TPRA1: variants seen among roughly 807,000 people sequenced by gnomAD.
TPRA1 encodes transmembrane protein adipocyte-associated 1.
In TPRA1, 28 loss-of-function variants were observed where a neutral mutation model predicts 40.1. The observed-to-expected ratio is 0.70, with a 90% confidence interval of 0.52 to 0.96. The LOEUF is 0.96. Among genes scored for constraint, TPRA1 ranks in the 40% least tolerant of loss-of-function variants. TPRA1 has a pLI of 0.00. For synonymous variants in TPRA1, 219 were observed against 209.7 expected, an observed-to-expected ratio of 1.04 and a Z score of -0.38; for missense variants, 441 against 482.6, an observed-to-expected ratio of 0.91 and a Z score of 0.81.
intron 1 of TPRA1, among the ~76,000 whole-genome samples, chr3:127,588,378 C>T (rs1397225748): frequency 6.6e-6 from 1 of 151,942 alleles, no homozygotes; most frequent in African/African-American, 2.4e-5. Flanking sequence ...ACCAGGATTG[C>T]CATTACGTAT....
At position 127,575,823 on chromosome 3, in the gene TPRA1, C is replaced by T; in HGVS notation, c.610-14G>A. 1.9e-6 allele frequency: 3 copies of T among 1,613,810 alleles called. No individual in the cohort carries two copies. Among genetic ancestry groups the T allele is most frequent in the Non-Finnish European group, 2.5e-6 (3 of 1,179,966 alleles). On this transcript the variant is annotated splice_polypyrimidine_tract_variant and intron_variant, in intron 7 of 10. Transcript: ENST00000355552. ...CAGAGAGTAGACCTACAGAGACAGG[C>T]AGGGCTGAGAAGGTGCTGGGGGCGC...
intron 1 of TPRA1, among the ~76,000 whole-genome samples, chr3:127,584,680 T>C (rs1190741865): frequency 1.3e-5 from 2 of 152,034 alleles, no homozygotes; most frequent in South Asian, 2.1e-4. Flanking sequence ...GGTGTGGCCA[T>C]GTGGCTGAGT....
At position 127,576,889 on chromosome 3, in the gene TPRA1, AG is replaced by A; in HGVS notation, c.349del (p.Leu117CysfsTer14). On this transcript the variant is annotated frameshift_variant, in exon 5 of 11. Transcript: ENST00000355552. LOFTEE classifies it high-confidence loss of function. The surrounding 1 kb of genome is among the most constrained non-coding windows in gnomAD (Gnocchi z 4.6). ...CAGGAAGAAGCGGGTGATCTCCCAC[AG>A]GATCTGCACGCAGAGTGGGCACAGC... Reference protein sequence around the residue: ...SNAATVADKILWEITRFFLLA... With the variant: ...SNAATVADKIXWEITRFFLLA... 6.2e-7 allele frequency: 1 copy of A among 1,613,792 alleles called. No homozygotes were observed. Among genetic ancestry groups the A allele is most frequent in the Non-Finnish European group, 8.5e-7 (1 of 1,180,014 alleles).
chr3:127,585,946 C>T lies in TPRA1; in HGVS notation c.-18+4464G>A, dbSNP rs2073987236. ...TGTGGATTTTTTTGTGTGCAGGGTC[C>T]AGGGCTGCCAAATGTCTGCAATGCA... On this transcript the variant is annotated intron_variant, in intron 1 of 10. Coordinates refer to ENST00000355552, the MANE Select transcript of TPRA1 (RefSeq NM_001136053.4). Among the ~76,000 whole-genome samples, 4 of 152,156 alleles carry T rather than the reference C, an allele frequency of 2.6e-5. No individual in the cohort carries two copies. In the South Asian group the frequency reaches 8.3e-4, roughly 32 times the overall value.
At position 127,572,753 on chromosome 3, in the gene TPRA1, T is replaced by C. The variant is rs1012276844; in HGVS notation, c.*768A>G. 3.9e-5 allele frequency among the ~76,000 whole-genome samples: 6 copies of C among 152,326 alleles called. No individual in the cohort carries two copies. The South Asian group carries it at 6.2e-4, about 16-fold the overall frequency. ...ATAGTAAGTCCATTCTGCGTTTTAA[T>C]GGAGCTGAGCAGAGAGAACCGGCTG... On this transcript the variant is annotated 3_prime_UTR_variant, in exon 11 of 11. Coordinates refer to ENST00000355552, the MANE Select transcript of TPRA1 (RefSeq NM_001136053.4).
upstream of TPRA1, among the ~76,000 whole-genome samples, chr3:127,592,187 T>C (rs576521945): frequency 2.6e-4 from 40 of 152,176 alleles, no homozygotes; most frequent in South Asian, 1.9e-3. Flanking sequence ...GCACATTCAA[T>C]TGGCCACCGC....
At position 127,576,985 on chromosome 3, in the gene TPRA1, C is replaced by G; in HGVS notation, c.345+5G>C. 6.2e-7 allele frequency: 1 copy of G among 1,613,784 alleles called. No individual in the cohort carries two copies. Among genetic ancestry groups the G allele is most frequent in the Non-Finnish European group, 8.5e-7 (1 of 1,180,006 alleles). ...CCTGGCCTCCCTCAGAGGGCCCAGC[C>G]GCACCTTATCAGCAACAGTTGCAGC... On this transcript the variant is annotated splice_donor_5th_base_variant and intron_variant, in intron 4 of 10. Transcript: ENST00000355552. The surrounding 1 kb of genome is among the most constrained non-coding windows in gnomAD (Gnocchi z 4.6).
chr3:127,577,542 G>A (rs2073683872), intron 3 of TPRA1, among the ~76,000 whole-genome samples: 1 of 152,128 alleles, frequency 6.6e-6, no homozygotes, highest in Non-Finnish European at 1.5e-5. Flanking sequence ...GAAGGGCCAA[G>A]TATACATTTG....
intron 1 of TPRA1, among the ~76,000 whole-genome samples, chr3:127,583,676 CT>C (rs371220589): frequency 0.028 from 4,041 of 143,444 alleles, 63 homozygotes; most frequent in Admixed American, 0.06. Context: ...TTCACACATG[CT>C]TTTTTTTTTT....
intron 2 of TPRA1, 42 bp from the exon 3 acceptor site, chr3:127,579,914 A>C: frequency 6.2e-7 from 1 of 1,610,808 alleles, no homozygotes; most frequent in Non-Finnish European, 8.5e-7. Flanking sequence ...GCGAGGCCAC[A>C]TATGCACCCC....
upstream of TPRA1, among the ~76,000 whole-genome samples, chr3:127,593,371 G>A (rs111447471): frequency 0.017 from 2,577 of 152,256 alleles, 32 homozygotes; most frequent in Non-Finnish European, 0.025. Flanking sequence ...GATAACAGAC[G>A]CCAGATGGTA....
At chr3:127,575,305 A>G (rs746336712) in intron 9 of TPRA1, 40 bp from the exon 10 acceptor site, 6 of 1,602,612 alleles carry the variant, frequency 3.7e-6, no homozygotes, top group Non-Finnish European at 5.1e-6. Context: ...TCCTAGCCCC[A>G]TGCTGACTCC....
chr3:127,584,478 A>AAAG (rs1341875139), intron 1 of TPRA1, among the ~76,000 whole-genome samples: 3 of 149,294 alleles, frequency 2.0e-5, no homozygotes, highest in African/African-American at 4.9e-5. Context: ...AAAAAAAAAA[A>AAAG]AAGAAGCAAA....
chr3:127,584,109 A>G (rs140055665), intron 1 of TPRA1, among the ~76,000 whole-genome samples: 1 of 151,822 alleles, frequency 6.6e-6, no homozygotes, highest in East Asian at 1.9e-4. Context: ...AACAAGCATG[A>G]AAACCCTATT....
chr3:127,592,444 G>A (rs1179685051), upstream of TPRA1, among the ~76,000 whole-genome samples: 2 of 143,066 alleles, frequency 1.4e-5, no homozygotes, highest in Non-Finnish European at 3.0e-5. Context: ...GGACTGCAGT[G>A]GCGCAATCTC....
intron 1 of TPRA1, among the ~76,000 whole-genome samples, chr3:127,588,575 C>T (rs1170221584): frequency 6.6e-6 from 1 of 152,092 alleles, no homozygotes; most frequent in African/African-American, 2.4e-5. Context: ...TGTGCACCAC[C>T]ACACCCGGCT....
chr3:127,581,336 C>T (rs533338687), intron 1 of TPRA1, among the ~76,000 whole-genome samples: 16 of 152,264 alleles, frequency 1.1e-4, no homozygotes, highest in African/African-American at 3.9e-4. Context: ...GACACTTGCA[C>T]AGCATAAAAA....
At chr3:127,593,449 C>T (rs1356672141), upstream of TPRA1, among the ~76,000 whole-genome samples, 1 of 152,164 alleles carries the variant, frequency 6.6e-6, no homozygotes, top group African/African-American at 2.4e-5. Context: ...CTCAATATAT[C>T]ACTGGGATAG....
rs112889714 is a variant in TPRA1 at position 127,584,556 on chromosome 3, G to A, written c.-17-4393C>T. Among the ~76,000 whole-genome samples the A allele has an allele frequency of 7.5e-3, 1,107 of 147,908 alleles. 8 individuals carry two copies. Among genetic ancestry groups the A allele is most frequent in the South Asian group, 0.031 (145 of 4,644 alleles). On this transcript the variant is annotated intron_variant, in intron 1 of 10. Transcript: ENST00000355552. ...GCAGAATGACAAGAAACACAGTAGA[G>A]ACTGCTGGGTTCCCCCAACATCTAC...
Sources: allele counts gnomAD v4.1 joint callset (sites outside exome capture counted in the v4.1 genomes callset), GRCh38; gene constraint gnomAD v4.1.1; non-coding constraint Gnocchi (gnomAD v3.1); transcripts MANE v1.5; gene names NCBI Gene and HGNC (gene_info 2026-07-23, HGNC 2026-07-21).